The following KIAA0513 variants were observed in gnomAD, a reference collection of about 807,000 sequenced individuals.
KIAA0513 encodes uncharacterized protein KIAA0513.
A neutral mutation model predicts 56.5 loss-of-function variants in KIAA0513; 39 were observed. The observed-to-expected ratio is 0.69, with a 90% CI of 0.53 to 0.90. The LOEUF (loss-of-function observed/expected upper bound fraction) is 0.90, where lower values mean the gene tolerates loss of function less well. Ranked by LOEUF, KIAA0513 falls within the 40% of genes least tolerant of loss-of-function variation. KIAA0513 has a pLI of 0.00. For missense variants in KIAA0513, 591 were observed against 535.2 expected (o/e 1.10, Z -1.03); for synonymous variants, 268 against 215.6 (o/e 1.24, Z -2.13).
chr16:85,062,229 CA>C (rs2073416547), intron 1 of KIAA0513, among the ~76,000 whole-genome samples: 5 of 152,046 alleles, frequency 3.3e-5, no homozygotes, highest in South Asian at 4.2e-4. Flanking sequence ...CACACACACA[CA>C]CACACCCCAT....
At chr16:85,086,339 G>A (rs1366840949) in intron 10 of KIAA0513, among the ~76,000 whole-genome samples, 1 of 152,258 alleles carries the variant, frequency 6.6e-6, no homozygotes, top group East Asian at 1.9e-4. Flanking sequence ...CTCGCTGCCT[G>A]TAGAGTGCCT....
chr16:85,052,545 A>G (rs376018704), intron 1 of KIAA0513, among the ~76,000 whole-genome samples: 24 of 152,140 alleles, frequency 1.6e-4, no homozygotes, highest in African/African-American at 5.5e-4. Flanking sequence ...CAATCAATCA[A>G]TCGATGCATC....
In KIAA0513 at chr16:85,072,034, A is replaced by T. The variant is rs1450589954; in HGVS notation, c.429+152A>T. The stretch of plus-strand genomic sequence containing the variant: ...TAAAAAAAGTAAAACTTATCCAAAA[A>T]TACTCTGAAAAGGAGTGTTTAGAAT... On this transcript the variant is annotated intron_variant, in intron 3 of 12. Transcript: ENST00000683363. 6 of 608,590 alleles carry T rather than the reference A, an allele frequency of 9.9e-6. No homozygotes were observed. In the East Asian group the frequency reaches 1.7e-4, roughly 17 times the overall value. 37.7% of individuals were successfully genotyped at this position (608,590 alleles called of 1,614,324 possible). A position where few individuals can be genotyped will look rare whatever the true frequency, so the allele number is the denominator to read the frequency against.
At chr16:85,078,114 G>A (rs1421509088) in intron 6 of KIAA0513, among the ~76,000 whole-genome samples, 1 of 152,122 alleles carries the variant, frequency 6.6e-6, no homozygotes, top group Non-Finnish European at 1.5e-5. Flanking sequence ...CAGCCAGAGG[G>A]AGCCCCCGGG....
chr16:85,032,978 C>T (rs2072986489), intron 1 of KIAA0513, among the ~76,000 whole-genome samples: 1 of 152,064 alleles, frequency 6.6e-6, no homozygotes, highest in African/African-American at 2.4e-5. Flanking sequence ...TGGGTTAGGA[C>T]CTCAGCATAT....
chr16:85,051,925 A>G (rs563542708), intron 1 of KIAA0513, among the ~76,000 whole-genome samples: 1 of 150,596 alleles, frequency 6.6e-6, no homozygotes, highest in East Asian at 2.0e-4. Flanking sequence ...AAGTGCTGGG[A>G]TTACAGGCAT....
chr16:85,036,994 A>G (rs184751672), intron 1 of KIAA0513, among the ~76,000 whole-genome samples: 1 of 152,224 alleles, frequency 6.6e-6, no homozygotes, highest in East Asian at 1.9e-4. Flanking sequence ...AATATCAGAA[A>G]TGCATGGCCA....
At position 85,093,590 on chromosome 16, in the gene KIAA0513, A is replaced by G. The variant is rs1467030012; in HGVS notation, c.*5265A>G. ...CCCGCTCCCTCCTTAATCCTAGATG[A>G]TTTGCTCATGAAATAGAGGTGGGGG... On this transcript the variant is annotated 3_prime_UTR_variant, in exon 13 of 13. Coordinates refer to ENST00000683363, the MANE Select transcript of KIAA0513 (RefSeq NM_001388359.1). 1 of 152,496 alleles carries G rather than the reference A, an allele frequency of 6.6e-6. No homozygotes were observed. The highest frequency in any genetic ancestry group is 2.4e-5 in the African/African-American group (1 of 41,444). The allele number at this position is 152,496 out of a possible 1,614,324, so 9.4% of individuals were successfully genotyped here. A position where few individuals can be genotyped will look rare whatever the true frequency, so the allele number is the denominator to read the frequency against.
chr16:85,046,571 G>A (rs907976621), intron 1 of KIAA0513, among the ~76,000 whole-genome samples: 10 of 152,202 alleles, frequency 6.6e-5, no homozygotes, highest in Non-Finnish European at 1.0e-4. Flanking sequence ...TGGACGGCCC[G>A]TCTGTAGGCT....
At chr16:85,078,108 C>T (rs1350978720) in intron 6 of KIAA0513, among the ~76,000 whole-genome samples, 1 of 152,146 alleles carries the variant, frequency 6.6e-6, no homozygotes, top group African/African-American at 2.4e-5. Context: ...ATGCGGCAGC[C>T]AGAGGGAGCC....
intron 6 of KIAA0513, 50 bp downstream of exon 6, chr16:85,077,682 C>G: frequency 2.1e-6 from 3 of 1,435,356 alleles, no homozygotes; most frequent in Non-Finnish European, 2.9e-6. Context: ...TGGGGAGAGG[C>G]TGGTGTGGAG....
intron 2 of KIAA0513, among the ~76,000 whole-genome samples, chr16:85,067,683 G>A (rs972416621): frequency 1.3e-5 from 2 of 152,242 alleles, no homozygotes; most frequent in East Asian, 3.9e-4. Flanking sequence ...GCGGCTCCCA[G>A]GTGATTTGGA....
intron 6 of KIAA0513, among the ~76,000 whole-genome samples, chr16:85,078,173 C>T (rs1326552360): frequency 6.6e-6 from 1 of 152,170 alleles, no homozygotes; most frequent in Non-Finnish European, 1.5e-5. Flanking sequence ...GCCTTGGCCT[C>T]CTCCTCTACC....
intron 1 of KIAA0513, among the ~76,000 whole-genome samples, chr16:85,060,879 C>T (rs929214633): frequency 6.6e-6 from 1 of 151,276 alleles, no homozygotes; most frequent in Admixed American, 6.6e-5. Context: ...AAAGACTGGG[C>T]CCAGTGGCTC....
chr16:85,078,567 T>C, intron 7 of KIAA0513, 112 bp downstream of exon 7: 3 of 1,004,658 alleles, frequency 3.0e-6, no homozygotes, highest in South Asian at 1.4e-5. Flanking sequence ...CATGGGCACC[T>C]TGCCCTGGGT....
chr16:85,066,672 T>G (rs1235882280), intron 1 of KIAA0513, among the ~76,000 whole-genome samples: 1 of 152,176 alleles, frequency 6.6e-6, no homozygotes, highest in African/African-American at 2.4e-5. Flanking sequence ...GTGCTGACAG[T>G]CTGAAATGCT....
chr16:85,087,628 G>A (rs1420900678), intron 12 of KIAA0513, among the ~76,000 whole-genome samples: 1 of 152,228 alleles, frequency 6.6e-6, no homozygotes, highest in East Asian at 1.9e-4. Flanking sequence ...TTCTGTGACA[G>A]CAGGGAGTTG....
chr16:85,052,405 G>A (rs2073266145), intron 1 of KIAA0513, among the ~76,000 whole-genome samples: 1 of 152,036 alleles, frequency 6.6e-6, no homozygotes, highest in African/African-American at 2.4e-5. Context: ...CCAGCTACTC[G>A]GGAGGCTGAG....
chr16:85,088,496 C>G lies in KIAA0513; in HGVS notation c.*171C>G. On this transcript the variant is annotated 3_prime_UTR_variant, in exon 13 of 13. Transcript: ENST00000683363. ...GAATCCGCTGTTCCTCCCTCATCTCCTCTGCCTGTGTCTGCGACCCCCATC... is the reference window on the plus strand; with the variant it reads ...GAATCCGCTGTTCCTCCCTCATCTCGTCTGCCTGTGTCTGCGACCCCCATC... 1 of 609,816 alleles carries G rather than the reference C, an allele frequency of 1.6e-6. No homozygotes were observed. The allele number at this position is 609,816 out of a possible 1,614,324, so 37.8% of individuals were successfully genotyped here.
Sources: allele counts gnomAD v4.1 joint callset (sites outside exome capture counted in the v4.1 genomes callset), GRCh38; gene constraint gnomAD v4.1.1; transcripts MANE v1.5; gene names NCBI Gene and HGNC (gene_info 2026-07-23, HGNC 2026-07-21).